The following LCORL variants were observed in gnomAD, a reference collection of about 807,000 sequenced individuals.
LCORL encodes the protein ligand-dependent nuclear receptor corepressor-like protein.
A neutral mutation model predicts 141.8 loss-of-function variants in LCORL; 41 were observed. The observed-to-expected ratio is 0.29, with a 90% CI of 0.23 to 0.38. The LOEUF (loss-of-function observed/expected upper bound fraction) is 0.38. Ranked by LOEUF, LCORL falls within the 10% of genes least tolerant of loss-of-function variation. The probability of loss-of-function intolerance (pLI) is 1.00; values close to 1 mark genes in which losing one functional copy is unlikely to be tolerated. For synonymous variants in LCORL, 618 were observed against 694.1 expected, an observed-to-expected ratio of 0.89 and a Z score of 1.72; for missense variants, 1,759 against 2,035.0, an observed-to-expected ratio of 0.86 and a Z score of 2.61.
At chr4:17,960,557 T>G (rs1279544464) in intron 4 of LCORL, among the ~76,000 whole-genome samples, 1 of 152,176 alleles carries the variant, frequency 6.6e-6, no homozygotes, top group African/African-American at 2.4e-5. Context: ...AACATAATTT[T>G]TCCTGTAAGT....
intron 4 of LCORL, chr4:17,960,213 T>A (rs924779221): frequency 2.6e-5 from 4 of 154,286 alleles, no homozygotes; most frequent in South Asian, 2.0e-4. Flanking sequence ...TTTCAAAAGA[T>A]GTTGAAGAAA....
chr4:17,929,910 A>G (rs977756305), intron 4 of LCORL, among the ~76,000 whole-genome samples: 39 of 152,298 alleles, frequency 2.6e-4, no homozygotes, highest in African/African-American at 8.4e-4. Flanking sequence ...CAATTCAATA[A>G]TAAAGACATG....
intron 1 of LCORL, among the ~76,000 whole-genome samples, chr4:17,986,904 T>G (rs1343071392): frequency 1.3e-5 from 2 of 152,170 alleles, no homozygotes; most frequent in Non-Finnish European, 2.9e-5. Flanking sequence ...ACTTTTCATT[T>G]TGTTTTTGAG....
chr4:17,947,667 T>C (rs985681703), intron 4 of LCORL, among the ~76,000 whole-genome samples: 1 of 151,970 alleles, frequency 6.6e-6, no homozygotes, highest in African/African-American at 2.4e-5. Flanking sequence ...CATAAATTTA[T>C]GCAATTATAA....
chr4:17,974,634 A>G (rs1427566379), intron 1 of LCORL, among the ~76,000 whole-genome samples: 1 of 152,094 alleles, frequency 6.6e-6, no homozygotes. Flanking sequence ...TTGGTAACAG[A>G]GTAATGCTGG....
chr4:17,876,505 T>C (rs1726938015), exon 7 of LCORL: 3 of 1,230,852 alleles, frequency 2.4e-6, no homozygotes, highest in East Asian at 3.2e-5. Context: ...TTAGAATTCA[T>C]TGCAATTTTG....
intron 5 of LCORL, among the ~76,000 whole-genome samples, chr4:17,908,352 A>G (rs998465927): frequency 7.9e-5 from 12 of 152,214 alleles, no homozygotes; most frequent in Non-Finnish European, 1.3e-4. Context: ...ATTCTTCTTA[A>G]GAGCCCCAAA....
intron 2 of LCORL, among the ~76,000 whole-genome samples, 193 bp from the exon 3 acceptor site, chr4:17,963,242 A>G (rs1324224114): frequency 6.6e-6 from 1 of 152,064 alleles, no homozygotes; most frequent in Non-Finnish European, 1.5e-5. Flanking sequence ...AGTAATCTGC[A>G]CTATTATGGG....
At chr4:17,901,268 G>A (rs1730821352) in intron 5 of LCORL, among the ~76,000 whole-genome samples, 1 of 151,792 alleles carries the variant, frequency 6.6e-6, no homozygotes, top group Admixed American at 6.6e-5. Context: ...AGTAGAGTGT[G>A]TAAAGTTACC....
At chr4:17,925,355 A>G (rs1300727789) in intron 4 of LCORL, among the ~76,000 whole-genome samples, 1 of 152,192 alleles carries the variant, frequency 6.6e-6, no homozygotes, top group Non-Finnish European at 1.5e-5. Context: ...ATGGGAAACT[A>G]CAGAAGCCCA....
At chr4:18,004,392 G>A (rs539987810) in intron 1 of LCORL, among the ~76,000 whole-genome samples, 15 of 152,282 alleles carry the variant, frequency 9.9e-5, no homozygotes, top group Admixed American at 7.8e-4. Context: ...ATGGCAGAAG[G>A]TGTAAGGCAC....
chr4:18,001,334 A>G (rs943560092), intron 1 of LCORL, among the ~76,000 whole-genome samples: 4 of 152,348 alleles, frequency 2.6e-5, no homozygotes, highest in African/African-American at 7.2e-5. Context: ...CCATACTACA[A>G]TTACTCTGCT....
intron 4 of LCORL, among the ~76,000 whole-genome samples, chr4:17,959,558 C>T (rs1713371295): frequency 6.6e-6 from 1 of 152,022 alleles, no homozygotes; most frequent in Non-Finnish European, 1.5e-5. Context: ...TATCAATCAT[C>T]ATCATTATCC....
At chr4:17,923,571 G>A (rs571169010) in intron 4 of LCORL, among the ~76,000 whole-genome samples, 33 of 152,146 alleles carry the variant, frequency 2.2e-4, no homozygotes, top group African/African-American at 7.2e-4. Flanking sequence ...GCTCGAACCC[G>A]GGAGGCGGAG....
intron 5 of LCORL, among the ~76,000 whole-genome samples, chr4:17,897,213 C>CTTTT (rs761784734): frequency 1.6e-5 from 1 of 63,996 alleles, no homozygotes; most frequent in East Asian, 4.9e-4. Flanking sequence ...ATACTGATTT[C>CTTTT]TTTTTTTTTT....
chr4:17,885,932 A>C (rs1298206495), intron 6 of LCORL, 136 bp downstream of exon 6: 1 of 410,026 alleles, frequency 2.4e-6, no homozygotes, highest in Non-Finnish European at 4.3e-6. Context: ...GAAAGGTATG[A>C]GAGAGAGACA....
In LCORL at chr4:17,875,962, C is replaced by T. The variant is rs182969822; in HGVS notation, c.3028G>A (p.Asp1010Asn). The T allele has an allele frequency of 2.6e-5, 32 of 1,231,104 alleles. No homozygotes were observed. The Admixed American group carries it at 7.2e-4, about 28-fold the overall frequency. The allele number at this position is 1,231,104 out of a possible 1,614,324, so 76.3% of individuals were successfully genotyped here. ...TTTTCAGAGTTCGCATTTGAGATAT[C>T]CTCATTTGTTTCTGTTTTTTCTTCA... The change falls in exon 7 of 8, where the codon GAT becomes AAT. Residue 1010 changes from aspartate (D) to asparagine (N), a missense_variant. By Grantham distance (23) the Asp-to-Asn change is conservative (BLOSUM62 1). Coordinates refer to ENST00000635767, the Ensembl canonical transcript of LCORL.
intron 6 of LCORL, chr4:17,880,461 A>AC: frequency 1.1e-6 from 1 of 932,202 alleles, no homozygotes; most frequent in Non-Finnish European, 1.3e-6. Context: ...AACCAAACAT[A>AC]CTGCCTATTT....
chr4:17,981,612 C>T (rs1283794413), intron 1 of LCORL, among the ~76,000 whole-genome samples: 6 of 151,972 alleles, frequency 3.9e-5, no homozygotes, highest in Admixed American at 2.0e-4. Flanking sequence ...GTGGCATGCA[C>T]CTGTAGTCCC....
Sources: allele counts gnomAD v4.1 joint callset (sites outside exome capture counted in the v4.1 genomes callset), GRCh38; gene constraint gnomAD v4.1.1; transcripts MANE v1.5; gene names NCBI Gene and HGNC (gene_info 2026-07-23, HGNC 2026-07-21).